Variants in WWOX observed in about 807,000 individuals in gnomAD.
WWOX encodes the protein WW domain containing oxidoreductase, also known as WW domain-containing oxidoreductase.
WWOX carries 69 observed loss-of-function variants against 46.2 expected under a neutral mutation model. The ratio of observed to expected loss-of-function variants is 1.49; its 90% CI spans 1.23 to 1.82. The LOEUF is 1.82. WWOX is among the 40% of genes most tolerant of loss of function. The pLI, the probability that WWOX is intolerant of heterozygous loss-of-function variation, is 0.00. For synonymous variants in WWOX, 359 were observed against 202.6 expected (o/e 1.77, Z -6.56); for missense variants, 919 against 542.6 (o/e 1.69, Z -6.89).
intron 8 of WWOX, among the ~76,000 whole-genome samples, chr16:78,767,194 C>A (rs2049944062): frequency 6.6e-6 from 1 of 151,926 alleles, no homozygotes. Context: ...AATCAAAGCT[C>A]ACTGCAGCCT....
intron 8 of WWOX, among the ~76,000 whole-genome samples, chr16:78,793,720 C>T (rs922300499): frequency 3.3e-5 from 5 of 152,022 alleles, no homozygotes; most frequent in African/African-American, 1.2e-4. Context: ...AAATGCAACT[C>T]ATCCTTGCAG....
At chr16:78,723,667 A>C (rs1470629183) in intron 8 of WWOX, among the ~76,000 whole-genome samples, 1 of 91,210 alleles carries the variant, frequency 1.1e-5, no homozygotes, top group Non-Finnish European at 2.2e-5. Flanking sequence ...CGGGATTCTG[A>C]GAGCATCCTG....
chr16:78,845,008 A>G (rs888641217), intron 8 of WWOX, among the ~76,000 whole-genome samples: 6 of 152,208 alleles, frequency 3.9e-5, no homozygotes, highest in African/African-American at 1.2e-4. Context: ...GTCTCCAACC[A>G]TGCGGACACA....
intron 5 of WWOX, among the ~76,000 whole-genome samples, chr16:78,360,671 T>C (rs1264282845): frequency 2.3e-5 from 1 of 44,396 alleles, no homozygotes; most frequent in South Asian, 4.5e-4. Context: ...AATCATGGTA[T>C]AATAATCAAA....
intron 8 of WWOX, among the ~76,000 whole-genome samples, chr16:78,567,881 T>C (rs2044612680): frequency 6.6e-6 from 1 of 152,116 alleles, no homozygotes; most frequent in African/African-American, 2.4e-5. Flanking sequence ...GTCCCGTGTC[T>C]AATGGAACAG....
At chr16:79,068,609 G>C (rs1366366415) in intron 8 of WWOX, among the ~76,000 whole-genome samples, 1 of 151,592 alleles carries the variant, frequency 6.6e-6, no homozygotes, top group East Asian at 1.9e-4. Context: ...TTCGAGACCT[G>C]GGCAACATGG....
intron 8 of WWOX, among the ~76,000 whole-genome samples, chr16:79,142,084 C>T (rs918611924): frequency 6.6e-6 from 1 of 152,184 alleles, no homozygotes; most frequent in South Asian, 2.1e-4. Context: ...TTCTCCATCT[C>T]CTGCCCTTAC....
chr16:78,517,904 A>C (rs923531034), intron 8 of WWOX, among the ~76,000 whole-genome samples: 4 of 146,204 alleles, frequency 2.7e-5, no homozygotes, highest in Admixed American at 6.9e-5. Flanking sequence ...ACTTTAAATG[A>C]AGAACCAGGA....
At chr16:78,409,098 T>A (rs1383594003) in intron 6 of WWOX, among the ~76,000 whole-genome samples, 3 of 152,126 alleles carry the variant, frequency 2.0e-5, no homozygotes, top group Non-Finnish European at 4.4e-5. Context: ...GTTGCTAAAG[T>A]CCCACTGGGT....
chr16:79,057,376 T>C (rs1463093959), intron 8 of WWOX, among the ~76,000 whole-genome samples: 1 of 152,250 alleles, frequency 6.6e-6, no homozygotes, highest in Non-Finnish European at 1.5e-5. Flanking sequence ...AGAAGACCAC[T>C]GTAATTCACC....
chr16:78,221,421 C>G (rs192216922), intron 5 of WWOX, among the ~76,000 whole-genome samples: 1 of 152,064 alleles, frequency 6.6e-6, no homozygotes, highest in East Asian at 1.9e-4. Context: ...GGAGTTAGTA[C>G]GTTACTTTAA....
At chr16:78,721,973 T>A (rs2048703366) in intron 8 of WWOX, among the ~76,000 whole-genome samples, 1 of 152,268 alleles carries the variant, frequency 6.6e-6, no homozygotes, top group Non-Finnish European at 1.5e-5. Flanking sequence ...AGCAGCCATG[T>A]ATGTAAAGTA....
intron 8 of WWOX, among the ~76,000 whole-genome samples, chr16:78,664,682 C>T (rs367716531): frequency 1.3e-5 from 2 of 152,176 alleles, no homozygotes; most frequent in Non-Finnish European, 2.9e-5. Flanking sequence ...GCATGCCGAA[C>T]GGCCAGCAGA....
At chr16:78,479,495 C>T (rs1294512056) in intron 8 of WWOX, among the ~76,000 whole-genome samples, 3 of 152,114 alleles carry the variant, frequency 2.0e-5, no homozygotes, top group African/African-American at 4.8e-5. Context: ...TATGGTAGTA[C>T]TGTGAAGATT....
intron 8 of WWOX, among the ~76,000 whole-genome samples, chr16:79,157,017 G>A (rs1322160215): frequency 5.9e-5 from 9 of 152,202 alleles, no homozygotes; most frequent in Non-Finnish European, 4.4e-5. Context: ...GAATGGCACA[G>A]GGCACATGGT....
chr16:78,915,125 C>T (rs73581247), intron 8 of WWOX, among the ~76,000 whole-genome samples: 7 of 152,110 alleles, frequency 4.6e-5, no homozygotes, highest in African/African-American at 7.2e-5. Flanking sequence ...GCAGCTTGGA[C>T]TCCTGCTGCA....
chr16:78,732,921 G>A (rs555819961), intron 8 of WWOX, among the ~76,000 whole-genome samples: 1 of 152,120 alleles, frequency 6.6e-6, no homozygotes, highest in African/African-American at 2.4e-5. Context: ...TAAAGAAGTG[G>A]CATTTATTCT....
chr16:78,977,875 C>T (rs181754723), intron 8 of WWOX, among the ~76,000 whole-genome samples: 34 of 152,268 alleles, frequency 2.2e-4, no homozygotes, highest in Admixed American at 2.2e-3. Flanking sequence ...TTGTTTTCCC[C>T]TACTTTTAAA....
chr16:79,043,266 G>A (rs543953648), intron 8 of WWOX, among the ~76,000 whole-genome samples: 21 of 152,076 alleles, frequency 1.4e-4, no homozygotes, highest in South Asian at 4.2e-4. Flanking sequence ...AATGAACTTC[G>A]TGAATTAAAC....
Sources: gnomAD v4.1 joint callset for allele counts (sites outside exome capture counted in the v4.1 genomes callset) on GRCh38, gnomAD v4.1.1 for gene constraint, MANE v1.5 for transcripts, NCBI Gene and HGNC (gene_info 2026-07-23, HGNC 2026-07-21) for gene names.